SF3B1: variants seen among roughly 807,000 people sequenced by gnomAD.
The protein encoded by SF3B1 is pre-mRNA processing 10.
Under a neutral mutation model 153.8 loss-of-function variants are expected in SF3B1, and 12 were observed. The ratio of observed to expected loss-of-function variants is 0.08; its 90% CI spans 0.05 to 0.13. The LOEUF (loss-of-function observed/expected upper bound fraction) is 0.13, where lower values mean the gene tolerates loss of function less well. Among genes scored for constraint, SF3B1 ranks in the 10% least tolerant of loss-of-function variants. The pLI is 1.00. For synonymous variants in SF3B1, 498 were observed against 525.2 expected (o/e 0.95, Z 0.71); for missense variants, 513 against 1,606.1 (o/e 0.32, Z 11.63).
chr2:197,410,890 T>C (rs1202294433), intron 6 of SF3B1, among the ~76,000 whole-genome samples: 1 of 152,224 alleles, frequency 6.6e-6, no homozygotes, highest in East Asian at 1.9e-4. Flanking sequence ...TACCAAATAA[T>C]ATTACCCTAG....
intron 8 of SF3B1, 43 bp from the exon 9 acceptor site, chr2:197,408,162 C>T (rs202168604): frequency 7.1e-5 from 107 of 1,509,962 alleles, no homozygotes; most frequent in Middle Eastern, 5.1e-4. Flanking sequence ...TAGTACAAGA[C>T]TGTATTATTA....
chr2:197,412,341 A>AATTAATTT (rs1553564766), intron 6 of SF3B1, among the ~76,000 whole-genome samples: 7 of 145,684 alleles, frequency 4.8e-5, no homozygotes, highest in Non-Finnish European at 1.1e-4. Flanking sequence ...TCTCTGATTT[A>AATTAATTT]ATTTATTTAT....
chr2:197,431,055 G>C (rs1028904663), intron 1 of SF3B1, among the ~76,000 whole-genome samples: 1 of 148,438 alleles, frequency 6.7e-6, no homozygotes, highest in Admixed American at 6.7e-5. Flanking sequence ...CTATTTAACT[G>C]CTCCCCACCA....
At chr2:197,416,185 T>G (rs945592237) in intron 6 of SF3B1, among the ~76,000 whole-genome samples, 1 of 151,496 alleles carries the variant, frequency 6.6e-6, no homozygotes. Context: ...GGAGTAGCAT[T>G]GACTATTTGC....
intron 6 of SF3B1, among the ~76,000 whole-genome samples, chr2:197,412,308 C>T (rs1217025008): frequency 6.6e-6 from 1 of 151,480 alleles, no homozygotes; most frequent in Admixed American, 6.6e-5. Context: ...ATTAAATGAA[C>T]AGAATTTTTA....
upstream of SF3B1, chr2:197,435,062 C>T: frequency 6.2e-7 from 1 of 1,613,324 alleles, no homozygotes; most frequent in Non-Finnish European, 8.5e-7. Context: ...GTCGCCGCCG[C>T]CACGGAGAAA....
chr2:197,416,216 A>C (rs908078788), intron 6 of SF3B1, among the ~76,000 whole-genome samples: 1 of 152,122 alleles, frequency 6.6e-6, no homozygotes, highest in South Asian at 2.1e-4. Context: ...GAGGGGCTTA[A>C]GTTATCTATC....
chr2:197,409,923 A>G lies in SF3B1; in HGVS notation c.751T>C (p.Ser251Pro), dbSNP rs764421537. ...GSETPGATPGSKIWDPTPSHT... is the reference protein window; with the variant it reads ...GSETPGATPGPKIWDPTPSHT... ...CTAGGTGTAGGATCCCATATTTTTG[A>G]GCCTGGGGTTGCTCCAGGAGTCTCG... The change falls in exon 7 of 25, where the codon TCA (serine) becomes CCA (proline). Residue 251 changes from serine to proline, a missense_variant. Ser to Pro is a moderately conservative substitution (Grantham distance 74). Around this residue, in one of 21 missense-constraint regions of SF3B1, gnomAD observed 91 missense variants for 157.4 expected, o/e 0.58. Transcript: ENST00000335508. 1.7e-5 allele frequency: 27 copies of G among 1,613,982 alleles called. No individual in the cohort carries two copies. The highest frequency in any genetic ancestry group is 2.3e-5 in the Non-Finnish European group (27 of 1,180,018).
chr2:197,429,174 A>G (rs1048368981), intron 1 of SF3B1, among the ~76,000 whole-genome samples: 1 of 152,224 alleles, frequency 6.6e-6, no homozygotes, highest in Non-Finnish European at 1.5e-5. Flanking sequence ...AGTTCAATAC[A>G]TTCAGATGTG....
rs1257330142 is a variant in SF3B1 at position 197,409,706 on chromosome 2, C to T, written c.904+64G>A. On this transcript the variant is annotated intron_variant, in intron 7 of 24. Coordinates refer to ENST00000335508, the MANE Select transcript of SF3B1 (RefSeq NM_012433.4). The stretch of plus-strand genomic sequence containing the variant: ...TGTCCACCCAGGAATAAACAGAACA[C>T]ATTTCAGTCTGTAAACATATCACTC... The T allele has an allele frequency of 2.4e-6, 3 of 1,256,614 alleles. No homozygotes were observed. The East Asian group carries it at 7.0e-5, about 29-fold the overall frequency. The allele number at this position is 1,256,614 out of a possible 1,614,324, so 77.8% of individuals were successfully genotyped here.
chr2:197,415,299 C>G (rs950661033), intron 6 of SF3B1, among the ~76,000 whole-genome samples: 3 of 151,868 alleles, frequency 2.0e-5, no homozygotes, highest in Non-Finnish European at 4.4e-5. Context: ...GTTGCCCAAG[C>G]TGGAACACAT....
At chr2:197,432,797 C>A (rs969898363) in intron 1 of SF3B1, among the ~76,000 whole-genome samples, 3 of 151,896 alleles carry the variant, frequency 2.0e-5, no homozygotes, top group African/African-American at 7.3e-5. Context: ...ACCTAAAAGG[C>A]GGAGGTTGCT....
intron 23 of SF3B1, 24 bp from the exon 24 acceptor site, chr2:197,393,212 C>CT (rs776368739): frequency 6.6e-7 from 1 of 1,505,264 alleles, no homozygotes; most frequent in South Asian, 1.1e-5. Flanking sequence ...GAAAAAAGTC[C>CT]TTTAAGATGC....
At position 197,434,956 on chromosome 2, in the gene SF3B1, G is replaced by C. The variant is rs977404997; in HGVS notation, c.28+16C>G. ...TAGCAACGAAGAAAACACGTAAGCA[G>C]GGAAAGACCGCTTACCTTCGTGAGT... On this transcript the variant is annotated intron_variant, in intron 1 of 24. Transcript: ENST00000335508. The C allele has an allele frequency of 6.2e-7, 1 of 1,613,510 alleles. No individual in the cohort carries two copies. Among genetic ancestry groups the C allele is most frequent in the Non-Finnish European group, 8.5e-7 (1 of 1,179,362 alleles).
At chr2:197,411,270 A>AT (rs1574537719) in intron 6 of SF3B1, among the ~76,000 whole-genome samples, 1 of 152,248 alleles carries the variant, frequency 6.6e-6, no homozygotes, top group East Asian at 1.9e-4. Flanking sequence ...AGATAGTATC[A>AT]TATCAAAGTA....
intron 24 of SF3B1, 116 bp from the exon 25 acceptor site, chr2:197,392,577 G>GA: frequency 3.1e-6 from 1 of 319,084 alleles, no homozygotes; most frequent in Non-Finnish European, 5.8e-6. Context: ...AGTTGGGGGG[G>GA]GGGGAACCTA....
chr2:197,403,141 T>G (rs1431466821), intron 12 of SF3B1, 106 bp from the exon 13 acceptor site: 1 of 850,650 alleles, frequency 1.2e-6, no homozygotes, highest in African/African-American at 1.7e-5. Flanking sequence ...ATCAGGACTT[T>G]TGTTAATCAA....
chr2:197,394,119 G>A (rs1206723487), intron 23 of SF3B1, among the ~76,000 whole-genome samples: 2 of 152,034 alleles, frequency 1.3e-5, no homozygotes, highest in South Asian at 4.2e-4. Context: ...GGGGGGTGGA[G>A]GTTGCAGTGA....
chr2:197,396,694 A>AGAACTAG (rs1346187553), intron 22 of SF3B1, among the ~76,000 whole-genome samples: 9 of 152,244 alleles, frequency 5.9e-5, no homozygotes, highest in South Asian at 2.1e-4. Flanking sequence ...AATGGGCACT[A>AGAACTAG]GAACTAGGTA....
Sources: allele counts gnomAD v4.1 joint callset (sites outside exome capture counted in the v4.1 genomes callset), GRCh38; gene constraint gnomAD v4.1.1; regional missense constraint gnomAD v4.1.1; transcripts MANE v1.5; gene names NCBI Gene and HGNC (gene_info 2026-07-23, HGNC 2026-07-21).